CDK14: variants seen among roughly 807,000 people sequenced by gnomAD.
CDK14 encodes the protein cyclin dependent kinase 14.
CDK14 carries 34 observed loss-of-function variants against 60.7 expected under a neutral mutation model. The ratio of observed to expected loss-of-function variants is 0.56; its 90% CI spans 0.43 to 0.75. The LOEUF is 0.75. CDK14 is among the 30% of genes least tolerant of loss of function. The pLI, the probability that CDK14 is intolerant of heterozygous loss-of-function variation, is 0.00. For synonymous variants in CDK14, 197 were observed against 203.7 expected (o/e 0.97, Z 0.28); for missense variants, 482 against 564.1 (o/e 0.85, Z 1.47).
intron 11 of CDK14, among the ~76,000 whole-genome samples, chr7:91,072,437 G>C (rs867482439): frequency 3.9e-5 from 6 of 152,064 alleles, no homozygotes; most frequent in African/African-American, 1.4e-4. Flanking sequence ...AGAGGGACCT[G>C]ACCATTGAAA....
chr7:90,746,779 C>A (rs1178265219), intron 3 of CDK14, among the ~76,000 whole-genome samples: 3 of 151,808 alleles, frequency 2.0e-5, no homozygotes, highest in African/African-American at 7.3e-5. Flanking sequence ...TTTTTTTGGT[C>A]CTGTTGGGAA....
At chr7:90,618,228 A>G (rs2116362252) in intron 2 of CDK14, among the ~76,000 whole-genome samples, 2 of 152,284 alleles carry the variant, frequency 1.3e-5, no homozygotes, top group South Asian at 4.1e-4. Context: ...TAGAAAGATG[A>G]AGACTTTAGG....
intron 4 of CDK14, among the ~76,000 whole-genome samples, chr7:90,771,117 T>A (rs1804767561): frequency 1.3e-5 from 2 of 152,224 alleles, no homozygotes; most frequent in African/African-American, 2.4e-5. Flanking sequence ...CCTGCTTCTG[T>A]CTATAAGTCC....
intron 8 of CDK14, among the ~76,000 whole-genome samples, chr7:90,923,715 C>G (rs936400569): frequency 6.6e-6 from 1 of 152,220 alleles, no homozygotes; most frequent in African/African-American, 2.4e-5. Flanking sequence ...TCTTATTCTC[C>G]ACTGTTGATG....
intron 4 of CDK14, among the ~76,000 whole-genome samples, chr7:90,763,725 T>C (rs1439947024): frequency 6.6e-6 from 1 of 151,984 alleles, no homozygotes; most frequent in African/African-American, 2.4e-5. Context: ...AACGATGAGT[T>C]AATGGGTGCA....
chr7:91,187,267 A>G (rs1802219200), intron 14 of CDK14, among the ~76,000 whole-genome samples: 2 of 152,214 alleles, frequency 1.3e-5, no homozygotes, highest in African/African-American at 4.8e-5. Flanking sequence ...GAATCAGTAG[A>G]CAGCTGCTAC....
intron 14 of CDK14, among the ~76,000 whole-genome samples, chr7:91,199,214 C>T (rs1488966108): frequency 7.9e-5 from 12 of 152,028 alleles, no homozygotes; most frequent in Admixed American, 6.6e-5. Context: ...TTTCTATTAA[C>T]CTTGTCATTA....
At chr7:90,694,058 G>A (rs1223765667) in intron 2 of CDK14, among the ~76,000 whole-genome samples, 1 of 152,206 alleles carries the variant, frequency 6.6e-6, no homozygotes, top group Non-Finnish European at 1.5e-5. Context: ...GAGGTGGGAA[G>A]GAAGGAAGAC....
intron 5 of CDK14, among the ~76,000 whole-genome samples, chr7:90,812,895 C>G (rs895306660): frequency 2.0e-5 from 3 of 152,058 alleles, no homozygotes; most frequent in Non-Finnish European, 4.4e-5. Context: ...TCATATGACC[C>G]AGTGACTTCA....
chr7:90,784,697 A>C (rs1805495639), intron 4 of CDK14, among the ~76,000 whole-genome samples: 1 of 152,152 alleles, frequency 6.6e-6, no homozygotes, highest in African/African-American at 2.4e-5. Context: ...TTCTGGAATA[A>C]AGTATTGTAG....
At chr7:90,895,835 C>T (rs1792320675) in intron 6 of CDK14, among the ~76,000 whole-genome samples, 1 of 150,130 alleles carries the variant, frequency 6.7e-6, no homozygotes, top group Non-Finnish European at 1.5e-5. Context: ...CTCAGCCTCC[C>T]AAAGTGCTGG....
chr7:90,772,742 G>A (rs942685737), intron 4 of CDK14, among the ~76,000 whole-genome samples: 4 of 152,114 alleles, frequency 2.6e-5, no homozygotes, highest in Admixed American at 6.6e-5. Flanking sequence ...ATAAACAACC[G>A]AGTTTCAGAT....
chr7:91,139,181 G>A (rs1036097137), intron 14 of CDK14, among the ~76,000 whole-genome samples: 1 of 152,038 alleles, frequency 6.6e-6, no homozygotes, highest in East Asian at 1.9e-4. Flanking sequence ...TTAATCTATA[G>A]AATTATTTTA....
At chr7:91,083,811 G>A (rs1257759138) in intron 12 of CDK14, among the ~76,000 whole-genome samples, 1 of 152,186 alleles carries the variant, frequency 6.6e-6, no homozygotes, top group African/African-American at 2.4e-5. Context: ...GATTCAGGTT[G>A]CAAGCAGGTG....
chr7:91,152,657 T>C (rs1800857625), intron 14 of CDK14, among the ~76,000 whole-genome samples: 1 of 152,194 alleles, frequency 6.6e-6, no homozygotes, highest in African/African-American at 2.4e-5. Context: ...TAATTAGATA[T>C]TATCACAGTG....
At chr7:90,630,068 AAAACAAAACAAAACAAAAC>A (rs540796348) in intron 2 of CDK14, among the ~76,000 whole-genome samples, 46,643 of 151,912 alleles carry the variant, frequency 0.31, 8,105 homozygotes, top group East Asian at 0.67. Flanking sequence ...AAAACAAAAC[AAAACAAAACAAAACAAAAC>A]ACCACACACA....
chr7:91,141,705 T>C (rs1444106506), intron 14 of CDK14, among the ~76,000 whole-genome samples: 1 of 152,152 alleles, frequency 6.6e-6, no homozygotes, highest in East Asian at 1.9e-4. Flanking sequence ...ATAGTGTCTT[T>C]CTCTTACTTT....
At chr7:91,065,984 C>G (rs79607603) in intron 11 of CDK14, among the ~76,000 whole-genome samples, 11,755 of 152,156 alleles carry the variant, frequency 0.077, 670 homozygotes, top group African/African-American at 0.16. Flanking sequence ...TGGAAGCAAC[C>G]CCCAGAAAGG....
chr7:90,749,171 G>T (rs1803714986), intron 4 of CDK14, among the ~76,000 whole-genome samples: 1 of 152,204 alleles, frequency 6.6e-6, no homozygotes, highest in African/African-American at 2.4e-5. Flanking sequence ...TAAAAATGGT[G>T]CAGGGAGCCC....
Sources: allele counts gnomAD v4.1 joint callset (sites outside exome capture counted in the v4.1 genomes callset), GRCh38; gene constraint gnomAD v4.1.1; transcripts MANE v1.5; gene names NCBI Gene and HGNC (gene_info 2026-07-23, HGNC 2026-07-21).